The following ZNF567 variants were observed in gnomAD, a reference collection of about 807,000 sequenced individuals.
ZNF567 encodes zinc finger protein 567.
A neutral mutation model predicts 53.9 loss-of-function variants in ZNF567; 36 were observed. The observed-to-expected ratio is 0.67, with a 90% CI of 0.51 to 0.88. ZNF567 has a LOEUF of 0.88. Ranked by LOEUF, ZNF567 falls within the 40% of genes least tolerant of loss-of-function variation. The pLI is 0.00. For missense variants in ZNF567, 619 were observed against 764.7 expected, an observed-to-expected ratio of 0.81 and a Z score of 2.25; for synonymous variants, 224 against 260.4, an observed-to-expected ratio of 0.86 and a Z score of 1.35.
chr19:36,715,515 T>A (rs7253830), intron 5 of ZNF567, among the ~76,000 whole-genome samples: 2,208 of 47,214 alleles, frequency 0.047, 27 homozygotes, highest in Admixed American at 0.093. Context: ...TAATAATTAT[T>A]ATTATTATTA....
At chr19:36,705,332 T>C (rs193176610) in intron 3 of ZNF567, among the ~76,000 whole-genome samples, 24 of 152,314 alleles carry the variant, frequency 1.6e-4, no homozygotes, top group Admixed American at 1.6e-3. Flanking sequence ...TTAAATGCTA[T>C]AAATTTCTCT....
chr19:36,726,691 A>G (rs887398410), downstream of ZNF567, among the ~76,000 whole-genome samples: 2 of 152,224 alleles, frequency 1.3e-5, no homozygotes, highest in Admixed American at 1.3e-4. Context: ...TGACTTTACT[A>G]TGCCTACTCC....
intron 3 of ZNF567, among the ~76,000 whole-genome samples, chr19:36,698,653 A>T (rs2039015534): frequency 6.6e-6 from 1 of 150,666 alleles, no homozygotes; most frequent in Non-Finnish European, 1.5e-5. Flanking sequence ...TGTGGTTTTG[A>T]TTTGCATTTC....
intron 5 of ZNF567, among the ~76,000 whole-genome samples, chr19:36,718,359 C>T (rs1248538449): frequency 2.0e-5 from 3 of 151,976 alleles, no homozygotes; most frequent in East Asian, 1.9e-4. Flanking sequence ...ATTAGCTAGG[C>T]GTGGTGGCAC....
chr19:36,708,795 CCG>C (rs778056801), intron 3 of ZNF567, among the ~76,000 whole-genome samples: 96 of 152,080 alleles, frequency 6.3e-4, no homozygotes, highest in Non-Finnish European at 8.8e-4. Flanking sequence ...TCCTCCTAAC[CCG>C]TTCTTGCTTA....
At chr19:36,681,103 C>G in the ZNF567 span, among the ~76,000 whole-genome samples, 1 of 152,218 alleles carries the variant, frequency 6.6e-6, no homozygotes, top group Non-Finnish European at 1.5e-5. Context: ...TTTTTGTCAT[C>G]TTGATAGGTT....
chr19:36,701,018 G>A (rs1402540012), intron 3 of ZNF567, among the ~76,000 whole-genome samples: 1 of 151,742 alleles, frequency 6.6e-6, no homozygotes, highest in Non-Finnish European at 1.5e-5. Context: ...TGATGTTAGG[G>A]TGTCAATTTT....
intron 3 of ZNF567, among the ~76,000 whole-genome samples, chr19:36,701,603 G>T (rs993050076): frequency 2.6e-5 from 4 of 151,952 alleles, no homozygotes; most frequent in African/African-American, 9.7e-5. Flanking sequence ...ATGCATCTGG[G>T]TGCTCCTGTA....
At chr19:36,721,732 CTTTTTTTTTTTCTTT>C (rs2040302823), downstream of ZNF567, among the ~76,000 whole-genome samples, 4 of 121,672 alleles carry the variant, frequency 3.3e-5, no homozygotes, top group South Asian at 2.7e-4. Context: ...GTACCAGAGT[CTTTTTTTTTTTCTTT>C]TTTTTTTTTT....
At chr19:36,683,689 T>C (rs1477289110), upstream of ZNF567, among the ~76,000 whole-genome samples, 1 of 151,962 alleles carries the variant, frequency 6.6e-6, no homozygotes, top group Non-Finnish European at 1.5e-5. Flanking sequence ...AAATTAGCCA[T>C]GCGTGGTGAC....
chr19:36,703,205 G>A (rs897592705), intron 3 of ZNF567, among the ~76,000 whole-genome samples: 1 of 152,160 alleles, frequency 6.6e-6, no homozygotes, highest in African/African-American at 2.4e-5. Context: ...GACCTTGTTT[G>A]CCTGGGTATC....
chr19:36,720,667 A>G lies in ZNF567; in HGVS notation c.1943A>G (p.Ter648=), dbSNP rs374979464. 184 of 1,522,488 alleles carry G rather than the reference A, an allele frequency of 1.2e-4. 1 individual carries two copies. The highest frequency in any genetic ancestry group is 1.8e-4 in the Middle Eastern group (1 of 5,648). The allele number at this position is 1,522,488 out of a possible 1,614,324, so 94.3% of individuals were successfully genotyped here. ...THKGENIEMQ[*] ...AAGGGAGAAAACATTGAAATGCAAT[A>G]AATGATGTGGTTTCTTATATGAATT... Residue 648 remains the stop codon, a stop_retained_variant, in exon 6 of 6, where the codon TAA becomes TGA. Transcript: ENST00000682579.
At chr19:36,685,126 A>G (rs956125466), upstream of ZNF567, among the ~76,000 whole-genome samples, 3 of 152,156 alleles carry the variant, frequency 2.0e-5, no homozygotes, top group Non-Finnish European at 4.4e-5. Context: ...CATGTCTACT[A>G]AAAATACAAA....
chr19:36,705,452 A>G (rs2039442859), intron 3 of ZNF567, among the ~76,000 whole-genome samples: 1 of 152,132 alleles, frequency 6.6e-6, no homozygotes, highest in South Asian at 2.1e-4. Flanking sequence ...GGTTATTTAG[A>G]AATGTGTTTA....
chr19:36,669,269 G>GT, the ZNF567 span: 1 of 152,276 alleles, frequency 6.6e-6, no homozygotes, highest in Admixed American at 6.5e-5. Flanking sequence ...TTGTATGACA[G>GT]TGAAGGGGTA....
chr19:36,722,690 T>G (rs2040314699), downstream of ZNF567, among the ~76,000 whole-genome samples: 1 of 152,238 alleles, frequency 6.6e-6, no homozygotes, highest in Non-Finnish European at 1.5e-5. Flanking sequence ...ACATTAAATA[T>G]ATTAAACAGA....
At position 36,719,431 on chromosome 19, in the gene ZNF567, A is replaced by C; in HGVS notation, c.707A>C (p.Asn236Thr). 6.2e-7 allele frequency: 1 copy of C among 1,613,144 alleles called. No homozygotes were observed. The highest frequency in any genetic ancestry group is 8.5e-7 in the Non-Finnish European group (1 of 1,179,786). The change falls in exon 6 of 6, where the codon AAC becomes ACC. Residue 236 changes from asparagine (N) to threonine (T), a missense_variant. By Grantham distance (65) the Asn-to-Thr change is moderately conservative (BLOSUM62 0). Transcript: ENST00000682579. ...ITHSRPYKGE[N>T]PSVYNKKRRA... is the part of the protein sequence containing the mutation. ...CATAGTAGACCTTACAAAGGAGAAAACCCATCTGTATATAATAAAAAAAGA... is the reference window on the plus strand; with the variant it reads ...CATAGTAGACCTTACAAAGGAGAAACCCCATCTGTATATAATAAAAAAAGA...
At chr19:36,723,411 C>T (rs2040320372), downstream of ZNF567, 1 of 577,272 alleles carries the variant, frequency 1.7e-6, no homozygotes, top group Admixed American at 3.1e-5. Flanking sequence ...TGTACTGTTT[C>T]AGTAGAACAT....
At position 36,718,970 on chromosome 19, in the gene ZNF567, C is replaced by T; in HGVS notation, c.246C>T (p.Asp82=). The part of the protein sequence containing the change: ...TCLEENWKAE[D]FLVKFKEHQE... Reference sequence around the variant, plus strand: ...TAGAAGAAAACTGGAAAGCTGAAGACTTTTTAGTGAAATTCAAGGAACACC... The same window carrying T: ...TAGAAGAAAACTGGAAAGCTGAAGATTTTTTAGTGAAATTCAAGGAACACC... Residue 82 remains aspartate (D), a synonymous_variant, in exon 6 of 6, where the codon GAC becomes GAT. Transcript: ENST00000682579. The T allele has an allele frequency of 6.4e-7, 1 of 1,563,704 alleles. No homozygotes were observed. The highest frequency in any genetic ancestry group is 8.6e-7 in the Non-Finnish European group (1 of 1,162,246).
Sources: gnomAD v4.1 joint callset for allele counts (sites outside exome capture counted in the v4.1 genomes callset) on GRCh38, gnomAD v4.1.1 for gene constraint, MANE v1.5 for transcripts, NCBI Gene and HGNC (gene_info 2026-07-23, HGNC 2026-07-21) for gene names.